The following EOMES variants were observed in gnomAD, a reference collection of about 807,000 sequenced individuals.
The protein encoded by EOMES is eomesodermin homolog.
A neutral mutation model predicts 61.0 loss-of-function variants in EOMES; 18 were observed. That is an observed-to-expected ratio of 0.30 (90% confidence interval 0.20 to 0.44). The LOEUF is 0.44. Ranked by LOEUF, EOMES falls within the 20% of genes least tolerant of loss-of-function variation. The probability of loss-of-function intolerance (pLI) is 1.00; values close to 1 mark genes in which losing one functional copy is unlikely to be tolerated. For missense variants in EOMES, 885 were observed against 939.2 expected (o/e 0.94, Z 0.75); for synonymous variants, 430 against 394.0 (o/e 1.09, Z -1.08).
Position 27,717,278 on chromosome 3 carries a change from C to A in EOMES, c.1910G>T (p.Trp637Leu), listed in dbSNP as rs1337272089. The A allele has an allele frequency of 1.2e-6, 2 of 1,613,628 alleles. No individual in the cohort carries two copies. The highest frequency in any genetic ancestry group is 2.7e-5 in the African/African-American group (2 of 74,892). Residue 637 changes from tryptophan to leucine, a missense_variant, in exon 6 of 6, where the codon TGG becomes TTG. By Grantham distance (61) the Trp-to-Leu change is moderately conservative. Transcript: ENST00000449599. This position sits in a 1 kb window ranked among gnomAD's most constrained non-coding sequence, Gnocchi z 4.5. ...TTTGATGGAAGGGGGTGTCTCTATC[C>A]AAGAAGAGCCAATTTCCTCTTTCAC... ...EKVKEEIGSS[W>L]IETPPSIKSL...
At chr3:27,720,784 C>T (rs1475836640) in intron 1 of EOMES, among the ~76,000 whole-genome samples, 1 of 152,030 alleles carries the variant, frequency 6.6e-6, no homozygotes, top group Non-Finnish European at 1.5e-5. Flanking sequence ...CCTTTGAGTG[C>T]CCCTCTCTCA....
At position 27,717,220 on chromosome 3, in the gene EOMES, G is replaced by A. The variant is rs374747331; in HGVS notation, c.1968C>T (p.Thr656=). The A allele has an allele frequency of 6.2e-6, 10 of 1,613,102 alleles. No homozygotes were observed. In the African/African-American group the frequency reaches 1.3e-4, roughly 22 times the overall value. The change falls in exon 6 of 6, where the codon ACC becomes ACT. Residue 656 remains threonine (T), a synonymous_variant. Transcript: ENST00000449599. This position sits in a 1 kb window ranked among gnomAD's most constrained non-coding sequence, Gnocchi z 4.5. ...ACAGCCGCCTTCGCTTACAAGCACT[G>A]GTGTATACTCCTGAATCATTGGAAT... ...SLDSNDSGVY[T]SACKRRRLSP...
chr3:27,720,261 A>C lies in EOMES; in HGVS notation c.946T>G (p.Phe316Val). The change falls in exon 2 of 6, where the codon TTC becomes GTC. Residue 316 changes from phenylalanine (F) to valine (V), a missense_variant. Around this residue, in one of 3 missense-constraint regions of EOMES, gnomAD observed 177 missense variants for 273.3 expected, o/e 0.65. Transcript: ENST00000449599. The part of the protein sequence containing the change: ...GLNPTAHYNV[F>V]VEVVLADPNH... Reference sequence around the variant, plus strand: ...GGGTCCGCCAGCACCACCTCTACGAACACATTGTAGTGGGCAGTGGGATTG... The same window carrying C: ...GGGTCCGCCAGCACCACCTCTACGACCACATTGTAGTGGGCAGTGGGATTG... 1 of 1,613,594 alleles carries C rather than the reference A, an allele frequency of 6.2e-7. No homozygotes were observed. Among genetic ancestry groups the C allele is most frequent in the South Asian group, 1.1e-5 (1 of 91,056 alleles).
In EOMES at chr3:27,721,719, G is replaced by A. The variant is rs1359513643; in HGVS notation, c.576C>T (p.Pro192=). 2.1e-5 allele frequency: 31 copies of A among 1,489,614 alleles called. No individual in the cohort carries two copies. The highest frequency in any genetic ancestry group is 2.7e-5 in the Non-Finnish European group (31 of 1,130,104). The allele number at this position is 1,489,614 out of a possible 1,614,324, so 92.3% of individuals were successfully genotyped here. Residue 192 remains proline (P), a synonymous_variant, in exon 1 of 6, where the codon CCC becomes CCT. Transcript: ENST00000449599. This position sits in a 1 kb window ranked among gnomAD's most constrained non-coding sequence, Gnocchi z 7.4. ...GARYPYGSML[P]PGGFPAAVCP... is the part of the protein sequence containing the mutation. Reference sequence around the variant, plus strand: ...ACACAGCCGCGGGGAAGCCGCCGGGGGGCAGCATGGAGCCGTAGGGGTAGC... The same window carrying A: ...ACACAGCCGCGGGGAAGCCGCCGGGAGGCAGCATGGAGCCGTAGGGGTAGC...
intron 1 of EOMES, among the ~76,000 whole-genome samples, chr3:27,720,683 A>C (rs2060605672): frequency 2.6e-5 from 4 of 151,962 alleles, no homozygotes; most frequent in Admixed American, 2.6e-4. Context: ...AAAACTACTA[A>C]TTTTTAAATG....
At chr3:27,718,691 T>G in intron 4 of EOMES, 43 bp from the exon 5 acceptor site, 1 of 1,613,304 alleles carries the variant, frequency 6.2e-7, no homozygotes, top group Non-Finnish European at 8.5e-7. Flanking sequence ...TTTATCATGC[T>G]GGACCTTAGC....
At chr3:27,719,055 C>G (rs189636628) in intron 3 of EOMES, among the ~76,000 whole-genome samples, 162 bp from the exon 4 acceptor site, 3,157 of 151,984 alleles carry the variant, frequency 0.021, 31 homozygotes, top group Middle Eastern at 0.027. Flanking sequence ...TTGCCCCCCC[C>G]CTTTTTTTTT....
rs767871834 is a variant in EOMES at position 27,717,726 on chromosome 3, G to A, written c.1462C>T (p.Arg488Trp). ...GGGAAGAAGGATTGAACGCCGTACC[G>A]ACCTCCAGGGACAATCTGATGGGAT... The part of the protein sequence containing the change: ...PRSHQIVPGG[R>W]YGVQSFFPEP... Residue 488 changes from arginine (R) to tryptophan (W), a missense_variant, in exon 6 of 6, where the codon CGG becomes TGG. Physicochemically the swap from Arg to Trp is moderately radical, Grantham distance 101. Coordinates refer to ENST00000449599, the MANE Select transcript of EOMES (RefSeq NM_001278182.2). This position sits in a 1 kb window ranked among gnomAD's most constrained non-coding sequence, Gnocchi z 4.5. 8 of 1,613,694 alleles carry A rather than the reference G, an allele frequency of 5.0e-6. No homozygotes were observed. Among genetic ancestry groups the A allele is most frequent in the South Asian group, 4.4e-5 (4 of 91,072 alleles).
chr3:27,716,054 C>A lies in EOMES; in HGVS notation c.*1016G>T, dbSNP rs1056172501. 2 of 152,206 alleles carry A rather than the reference C, an allele frequency of 1.3e-5. No homozygotes were observed. Among genetic ancestry groups the A allele is most frequent in the Admixed American group, 1.3e-4 (2 of 15,272 alleles). 9.4% of individuals were successfully genotyped at this position (152,206 alleles called of 1,614,324 possible). A position where few individuals can be genotyped will look rare whatever the true frequency, so the allele number is the denominator to read the frequency against. ...GAGCTGTGGTATCAGGTTTTAGTTTCTTCACATTACCAAGTTAGGGAGAGG... is the reference window on the plus strand; with the variant it reads ...GAGCTGTGGTATCAGGTTTTAGTTTATTCACATTACCAAGTTAGGGAGAGG... On this transcript the variant is annotated 3_prime_UTR_variant, in exon 6 of 6. Coordinates refer to ENST00000449599, the MANE Select transcript of EOMES (RefSeq NM_001278182.2).
In EOMES at chr3:27,721,313, G is replaced by T; in HGVS notation, c.881+101C>A. ...CGCGCGGTGAAACACTCTAAGCACC[G>T]CGCGGAACAACTGGGTTCAGCTCCC... On this transcript the variant is annotated intron_variant, in intron 1 of 5. Coordinates refer to ENST00000449599, the MANE Select transcript of EOMES (RefSeq NM_001278182.2). This position sits in a 1 kb window ranked among gnomAD's most constrained non-coding sequence, Gnocchi z 7.4. The T allele has an allele frequency of 2.1e-6, 2 of 950,402 alleles. No homozygotes were observed. Among genetic ancestry groups the T allele is most frequent in the Non-Finnish European group, 3.2e-6 (2 of 628,598 alleles). 58.9% of individuals were successfully genotyped at this position (950,402 alleles called of 1,614,324 possible). A position where few individuals can be genotyped will look rare whatever the true frequency, so the allele number is the denominator to read the frequency against.
At position 27,721,574 on chromosome 3, in the gene EOMES, C is replaced by G. The variant is rs1008645924; in HGVS notation, c.721G>C (p.Gly241Arg). 3 of 1,590,648 alleles carry G rather than the reference C, an allele frequency of 1.9e-6. No individual in the cohort carries two copies. The highest frequency in any genetic ancestry group is 2.3e-5 in the East Asian group (1 of 43,942). ...YQYSQGAPLY[G>R]PYPGAAAAGS... ...GCCGCTGCGGCTCCAGGGTACGGCC[C>G]GTAGAGCGGAGCCCCCTGGCTGTAC... The change falls in exon 1 of 6, where the codon GGG becomes CGG. Residue 241 changes from glycine (G) to arginine (R), a missense_variant. Transcript: ENST00000449599. The surrounding 1 kb of genome is among the most constrained non-coding windows in gnomAD (Gnocchi z 7.4).
In EOMES at chr3:27,720,161, C is replaced by T. The variant is rs1327948316; in HGVS notation, c.1036+10G>A. 3 of 1,558,412 alleles carry T rather than the reference C, an allele frequency of 1.9e-6. No homozygotes were observed. The highest frequency in any genetic ancestry group is 1.7e-6 in the Non-Finnish European group (2 of 1,154,836). The stretch of plus-strand genomic sequence containing the variant: ...CGTTCCTCCCCGGCCCGAGCCTCTT[C>T]TCTGCTCACCCTGCATGTTATTGTC... On this transcript the variant is annotated intron_variant, in intron 2 of 5. Coordinates refer to ENST00000449599, the MANE Select transcript of EOMES (RefSeq NM_001278182.2).
upstream of EOMES, chr3:27,722,535 C>T: frequency 1.5e-6 from 2 of 1,328,342 alleles, no homozygotes; most frequent in Non-Finnish European, 1.9e-6. Context: ...GGAAACTAAC[C>T]CAGAAGCCCT....
Position 27,722,260 on chromosome 3 carries a change from A to G in EOMES, c.35T>C (p.Val12Ala). Residue 12 changes from valine to alanine, a missense_variant, in exon 1 of 6, where the codon GTG (valine) becomes GCG (alanine). Coordinates refer to ENST00000449599, the MANE Select transcript of EOMES (RefSeq NM_001278182.2). ...GTAGAAGTGCGCGCCAGGCAGGTTC[A>G]CTGAGCTCACCAAGAGCTGCTCCCC... Reference protein sequence around the residue: ...QLGEQLLVSSVNLPGAHFYPL... With the variant: ...QLGEQLLVSSANLPGAHFYPL... 3 of 1,601,318 alleles carry G rather than the reference A, an allele frequency of 1.9e-6. No individual in the cohort carries two copies. The highest frequency in any genetic ancestry group is 2.6e-6 in the Non-Finnish European group (3 of 1,175,152).
In EOMES at chr3:27,717,918, G is replaced by C. The variant is rs953800563; in HGVS notation, c.1380-110C>G. 11 of 777,388 alleles carry C rather than the reference G, an allele frequency of 1.4e-5. No individual in the cohort carries two copies. In the African/African-American group the frequency reaches 1.7e-4, roughly 12 times the overall value. 48.2% of individuals were successfully genotyped at this position (777,388 alleles called of 1,614,324 possible). On this transcript the variant is annotated intron_variant, in intron 5 of 5. Coordinates refer to ENST00000449599, the MANE Select transcript of EOMES (RefSeq NM_001278182.2). The surrounding 1 kb of genome is among the most constrained non-coding windows in gnomAD (Gnocchi z 4.5). ...CTTGTGTTGGTTATCTACACCGAAA[G>C]TGCTGGTCTGTTGGGCTGAAAGAAC... is the stretch of plus-strand genomic sequence containing the variant.
At chr3:27,719,928 G>C (rs372463338) in intron 2 of EOMES, among the ~76,000 whole-genome samples, 20 of 152,234 alleles carry the variant, frequency 1.3e-4, no homozygotes, top group South Asian at 1.2e-3. Flanking sequence ...GTAGGGATTG[G>C]GGGGTGGGGT....
chr3:27,718,607 G>A lies in EOMES; in HGVS notation c.1359C>T (p.Gly453=). 1 of 1,612,586 alleles carries A rather than the reference G, an allele frequency of 6.2e-7. No homozygotes were observed. Among genetic ancestry groups the A allele is most frequent in the Non-Finnish European group, 8.5e-7 (1 of 1,178,624 alleles). ...CTTACGAATCATAGTTGTCTCTGAA[G>A]CCTTTTGCAAAGGGGTTATGATCAA... The part of the protein sequence containing the change: ...LKIDHNPFAK[G]FRDNYDSMYT... Residue 453 remains glycine (G), a synonymous_variant, in exon 5 of 6, where the codon GGC becomes GGT. Coordinates refer to ENST00000449599, the MANE Select transcript of EOMES (RefSeq NM_001278182.2).
In EOMES at chr3:27,716,614, C is replaced by T. The variant is rs1375707737; in HGVS notation, c.*456G>A. 1 of 155,496 alleles carries T rather than the reference C, an allele frequency of 6.4e-6. No homozygotes were observed. Among genetic ancestry groups the T allele is most frequent in the Non-Finnish European group, 1.4e-5 (1 of 70,182 alleles). The allele number at this position is 155,496 out of a possible 1,614,324, so 9.6% of individuals were successfully genotyped here. A position where few individuals can be genotyped will look rare whatever the true frequency, so the allele number is the denominator to read the frequency against. On this transcript the variant is annotated 3_prime_UTR_variant, in exon 6 of 6. Coordinates refer to ENST00000449599, the MANE Select transcript of EOMES (RefSeq NM_001278182.2). ...ATCTTTTGCCCCTGGCAGAATGTAA[C>T]AGCAAAATGTCTCCTTCTGAAACGG...
upstream of EOMES, chr3:27,722,613 A>G: frequency 8.7e-7 from 1 of 1,147,016 alleles, no homozygotes; most frequent in Non-Finnish European, 1.1e-6. Flanking sequence ...CACACGCTGG[A>G]AGAAGGTGAC....
Sources: gnomAD v4.1 joint callset for allele counts (sites outside exome capture counted in the v4.1 genomes callset) on GRCh38, gnomAD v4.1.1 for gene constraint, gnomAD v4.1.1 regional missense constraint, Gnocchi (gnomAD v3.1) non-coding constraint, MANE v1.5 for transcripts, NCBI Gene and HGNC (gene_info 2026-07-23, HGNC 2026-07-21) for gene names.